The following SDK1 variants were observed in gnomAD, a reference collection of about 807,000 sequenced individuals.
The protein encoded by SDK1 is sidekick cell adhesion molecule 1.
SDK1 carries 157 observed loss-of-function variants against 245.5 expected under a neutral mutation model. The ratio of observed to expected loss-of-function variants is 0.64; its 90% CI spans 0.56 to 0.73. The LOEUF is 0.73. Among genes scored for constraint, SDK1 ranks in the 30% least tolerant of loss-of-function variants. The pLI is 0.00. For synonymous variants in SDK1, 1,647 were observed against 1,278.5 expected (o/e 1.29, Z -6.15); for missense variants, 3,583 against 3,002.3 (o/e 1.19, Z -4.52).
intron 17 of SDK1, among the ~76,000 whole-genome samples, chr7:4,041,243 C>T (rs73300972): frequency 0.075 from 11,283 of 151,146 alleles, 950 homozygotes; most frequent in African/African-American, 0.2. Flanking sequence ...AGAGAGTTAC[C>T]GGGTTCAGAA....
intron 7 of SDK1, chr7:3,952,217 C>G: frequency 5.1e-6 from 2 of 395,588 alleles, no homozygotes; most frequent in Non-Finnish European, 9.1e-6. Context: ...CTCTCCTATT[C>G]TAGCTTTAGG....
At chr7:3,902,267 AG>A (rs1781816916) in intron 5 of SDK1, among the ~76,000 whole-genome samples, 1 of 152,166 alleles carries the variant, frequency 6.6e-6, no homozygotes, top group Non-Finnish European at 1.5e-5. Context: ...TCATCATCAC[AG>A]GGTTCTTCCT....
intron 4 of SDK1, among the ~76,000 whole-genome samples, 196 bp downstream of exon 4, chr7:3,642,301 C>G (rs1052484196): frequency 3.3e-5 from 5 of 152,192 alleles, no homozygotes. Flanking sequence ...AAGCAAATAA[C>G]TGTCTAATAT....
At chr7:3,757,892 C>T (rs1377864914) in intron 4 of SDK1, among the ~76,000 whole-genome samples, 1 of 152,168 alleles carries the variant, frequency 6.6e-6, no homozygotes, top group Non-Finnish European at 1.5e-5. Flanking sequence ...TGGTGACCAG[C>T]ACCCATCCTG....
chr7:3,808,339 C>T (rs1231919706), intron 4 of SDK1, among the ~76,000 whole-genome samples: 1 of 152,114 alleles, frequency 6.6e-6, no homozygotes, highest in Non-Finnish European at 1.5e-5. Context: ...GAGGGTCGGT[C>T]CCTAGGGAGG....
chr7:4,052,176 C>G (rs868472414), intron 19 of SDK1, among the ~76,000 whole-genome samples: 21 of 147,584 alleles, frequency 1.4e-4, no homozygotes, highest in South Asian at 9.7e-4. Flanking sequence ...GATCCCCCCC[C>G]CCCCGACGTC....
At chr7:3,718,314 G>T (rs1785262114) in intron 4 of SDK1, among the ~76,000 whole-genome samples, 1 of 151,986 alleles carries the variant, frequency 6.6e-6, no homozygotes, top group South Asian at 2.1e-4. Flanking sequence ...CAGCCTGGGT[G>T]ACATGGTGAA....
At chr7:3,702,019 A>G (rs1719378773) in intron 4 of SDK1, among the ~76,000 whole-genome samples, 1 of 152,104 alleles carries the variant, frequency 6.6e-6, no homozygotes, top group Non-Finnish European at 1.5e-5. Flanking sequence ...TGTTGGATTA[A>G]GTGTGAAATG....
chr7:3,373,713 T>A (rs1254747605), intron 1 of SDK1, among the ~76,000 whole-genome samples: 4 of 152,194 alleles, frequency 2.6e-5, no homozygotes, highest in Non-Finnish European at 5.9e-5. Flanking sequence ...GCAAAATTGT[T>A]ATTTGAAGAT....
intron 1 of SDK1, among the ~76,000 whole-genome samples, chr7:3,344,660 C>A: frequency 8.9e-6 from 1 of 112,994 alleles, no homozygotes; most frequent in South Asian, 2.8e-4. Flanking sequence ...ATATCGTGTT[C>A]TTCTTCGTTG....
intron 1 of SDK1, among the ~76,000 whole-genome samples, chr7:3,493,811 G>T (rs1412068225): frequency 2.0e-5 from 3 of 152,158 alleles, no homozygotes; most frequent in Admixed American, 6.5e-5. Context: ...TAGTAGACCA[G>T]TCTGAATCTG....
At chr7:3,625,857 C>T (rs781776315) in intron 2 of SDK1, among the ~76,000 whole-genome samples, 1 of 151,972 alleles carries the variant, frequency 6.6e-6, no homozygotes, top group South Asian at 2.1e-4. Flanking sequence ...CATAAAGCTA[C>T]TCAGGGCTGC....
chr7:4,126,021 A>G (rs988806950), intron 25 of SDK1, among the ~76,000 whole-genome samples: 1 of 152,176 alleles, frequency 6.6e-6, no homozygotes, highest in Non-Finnish European at 1.5e-5. Flanking sequence ...ACCAAACAGT[A>G]TCCTCCCAGA....
chr7:3,367,358 G>C (rs1338553431), intron 1 of SDK1, among the ~76,000 whole-genome samples: 1 of 152,074 alleles, frequency 6.6e-6, no homozygotes, highest in East Asian at 1.9e-4. Flanking sequence ...AGAAAAGTTA[G>C]GAATTACTTT....
chr7:4,034,642 C>T (rs758436341), intron 17 of SDK1, among the ~76,000 whole-genome samples: 2 of 152,224 alleles, frequency 1.3e-5, no homozygotes, highest in Non-Finnish European at 2.9e-5. Flanking sequence ...AACCTGTTTA[C>T]CTTCTCACTC....
At chr7:3,804,849 T>C (rs1779200165) in intron 4 of SDK1, among the ~76,000 whole-genome samples, 1 of 152,198 alleles carries the variant, frequency 6.6e-6, no homozygotes, top group Admixed American at 6.5e-5. Context: ...CTTTCACGTG[T>C]TCATTGCTAT....
At chr7:3,369,836 G>T (rs1010937326) in intron 1 of SDK1, among the ~76,000 whole-genome samples, 4 of 152,126 alleles carry the variant, frequency 2.6e-5, no homozygotes, top group Non-Finnish European at 4.4e-5. Context: ...GTAAATATGC[G>T]CATTTATGGC....
At chr7:4,030,942 C>T in intron 17 of SDK1, among the ~76,000 whole-genome samples, 1 of 152,246 alleles carries the variant, frequency 6.6e-6, no homozygotes, top group East Asian at 1.9e-4. Flanking sequence ...GCAGAGACAT[C>T]GAACTTAGAT....
chr7:3,787,592 C>G (rs1317512739), intron 4 of SDK1, among the ~76,000 whole-genome samples: 2 of 152,134 alleles, frequency 1.3e-5, no homozygotes, highest in East Asian at 3.9e-4. Context: ...CCTAAAGTAC[C>G]ATTTTATAAA....
Sources: allele counts gnomAD v4.1 joint callset (sites outside exome capture counted in the v4.1 genomes callset), GRCh38; gene constraint gnomAD v4.1.1; transcripts MANE v1.5; gene names NCBI Gene and HGNC (gene_info 2026-07-23, HGNC 2026-07-21).